Variants in PNPLA7 observed in about 807,000 individuals in gnomAD.
PNPLA7 encodes patatin like domain 7, lysophospholipase, also known as patatin-like phospholipase domain-containing protein 7.
In PNPLA7, 153 loss-of-function variants were observed where a neutral mutation model predicts 161.7. The ratio of observed to expected loss-of-function variants is 0.95; its 90% CI spans 0.83 to 1.08. The LOEUF (loss-of-function observed/expected upper bound fraction) is 1.08. Ranked by LOEUF, PNPLA7 falls within the 50% of genes least tolerant of loss-of-function variation. PNPLA7 has a pLI of 0.00. For missense variants in PNPLA7, 1,739 were observed against 1,856.6 expected (o/e 0.94, Z 1.16); for synonymous variants, 809 against 782.1 (o/e 1.03, Z -0.57).
At chr9:137,492,107 G>C in intron 20 of PNPLA7, 1 of 985,346 alleles carries the variant, frequency 1.0e-6, no homozygotes, top group Non-Finnish European at 1.2e-6. Context: ...TGAGTATGTG[G>C]GACCTGGTGA....
chr9:137,472,650 C>A (rs1044123453), intron 25 of PNPLA7, among the ~76,000 whole-genome samples: 528 of 82,112 alleles, frequency 6.4e-3, no homozygotes, highest in African/African-American at 7.2e-3. Context: ...GACTCCATCT[C>A]AAAAAAAAAA....
chr9:137,498,089 G>C, intron 17 of PNPLA7, 25 bp downstream of exon 17: 1 of 1,606,796 alleles, frequency 6.2e-7, no homozygotes, highest in Non-Finnish European at 8.5e-7. Flanking sequence ...CATGGATGCG[G>C]AGTGTGTGGC....
chr9:137,542,979 A>G (rs1252525007), intron 6 of PNPLA7, among the ~76,000 whole-genome samples, 178 bp from the exon 7 acceptor site: 3 of 152,182 alleles, frequency 2.0e-5, no homozygotes, highest in Non-Finnish European at 4.4e-5. Context: ...CAACTTCTGA[A>G]ATTCCCGTGA....
At chr9:137,493,269 C>A (rs1832869932) in intron 19 of PNPLA7, among the ~76,000 whole-genome samples, 187 bp from the exon 20 acceptor site, 1 of 152,246 alleles carries the variant, frequency 6.6e-6, no homozygotes, top group African/African-American at 2.4e-5. Flanking sequence ...TTAGGCCTTG[C>A]AGCCTTCTTG....
chr9:137,519,995 T>G lies in PNPLA7; in HGVS notation c.1006A>C (p.Lys336Gln), dbSNP rs776294628. Residue 336 changes from lysine (K) to glutamine (Q), a missense_variant, in exon 11 of 35, where the codon AAG (lysine) becomes CAG (glutamine). Physicochemically the swap from Lys to Gln is moderately conservative, Grantham distance 53. Coordinates refer to ENST00000406427, the MANE Select transcript of PNPLA7 (RefSeq NM_001098537.3). ...LVSVASVAAG[K>Q]AKKQVFYGEE... is the part of the protein sequence containing the mutation. ...CCATAGAACACCTGCTTCTTGGCCTTCCCGGCAGCCACACTGGCTACAGAC... is the reference window on the plus strand; with the variant it reads ...CCATAGAACACCTGCTTCTTGGCCTGCCCGGCAGCCACACTGGCTACAGAC... The G allele has an allele frequency of 1.4e-5, 23 of 1,612,706 alleles. No individual in the cohort carries two copies. Among genetic ancestry groups the G allele is most frequent in the Non-Finnish European group, 1.8e-5 (21 of 1,179,930 alleles).
Position 137,543,649 on chromosome 9 carries a change from G to A in PNPLA7, c.365+75C>T. The stretch of plus-strand genomic sequence containing the variant: ...CACAGCATCAGTGGCTGACACACCA[G>A]GCAGCTCAGGGTTGGGGAGGCCAGC... On this transcript the variant is annotated intron_variant, in intron 5 of 34. Coordinates refer to ENST00000406427, the MANE Select transcript of PNPLA7 (RefSeq NM_001098537.3). The surrounding 1 kb of genome is among the most constrained non-coding windows in gnomAD (Gnocchi z 6.9). The A allele has an allele frequency of 1.9e-6, 3 of 1,610,026 alleles. No individual in the cohort carries two copies. The highest frequency in any genetic ancestry group is 2.2e-5 in the East Asian group (1 of 44,840).
chr9:137,463,104 T>G (rs1026844956), intron 29 of PNPLA7: 1 of 595,338 alleles, frequency 1.7e-6, no homozygotes, highest in Non-Finnish European at 3.0e-6. Context: ...GGCTGTTAGT[T>G]TCTGACTGTG....
At position 137,520,913 on chromosome 9, in the gene PNPLA7, G is replaced by A. The variant is rs554522210; in HGVS notation, c.957+723C>T. Among the ~76,000 whole-genome samples, 2 of 152,350 alleles carry A rather than the reference G, an allele frequency of 1.3e-5. No homozygotes were observed. The highest frequency in any genetic ancestry group is 4.8e-5 in the African/African-American group (2 of 41,584). ...GGAGTGCTGGCAACAGGGACCCCAT[G>A]GGACGGGCATGGGGAGGGGCAGCCT... On this transcript the variant is annotated intron_variant, in intron 10 of 34. Coordinates refer to ENST00000406427, the MANE Select transcript of PNPLA7 (RefSeq NM_001098537.3). This position sits in a 1 kb window ranked among gnomAD's most constrained non-coding sequence, Gnocchi z 5.2.
At chr9:137,479,637 C>T (rs1037470828) in intron 23 of PNPLA7, 23 of 985,296 alleles carry the variant, frequency 2.3e-5, no homozygotes, top group Non-Finnish European at 2.5e-5. Context: ...CCCAGGCAGG[C>T]TTGTGATGAG....
At chr9:137,464,584 C>A in intron 26 of PNPLA7, 128 bp from the exon 27 acceptor site, 1 of 875,810 alleles carries the variant, frequency 1.1e-6, no homozygotes, top group South Asian at 1.5e-5. Flanking sequence ...GCCCCACCCA[C>A]GGTCCTGAGG....
chr9:137,478,847 C>T (rs1832065902), intron 24 of PNPLA7: 4 of 680,466 alleles, frequency 5.9e-6, no homozygotes, highest in Admixed American at 3.4e-5. Flanking sequence ...GTGCCTGCCC[C>T]CACTGCACCG....
intron 18 of PNPLA7, 115 bp from the exon 19 acceptor site, chr9:137,495,261 C>A (rs571499913): frequency 2.9e-6 from 2 of 682,738 alleles, no homozygotes; most frequent in South Asian, 1.9e-5. Context: ...CCATCCACAC[C>A]GCAAGGCGGA....
In PNPLA7 at chr9:137,462,040, TC is replaced by T; in HGVS notation, c.3646del (p.Glu1216LysfsTer132). ...CGTGCGCCCGTGCTGGTAGCCCACTTCCTGTGCACACCCCCAGGGCCCCGTC... is the reference window on the plus strand; with the variant it reads ...CGTGCGCCCGTGCTGGTAGCCCACTTCTGTGCACACCCCCAGGGCCCCGTC... ...LDFGKFNEIC[E>X]VGYQHGRTVF... On this transcript the variant is annotated frameshift_variant and splice_region_variant, in exon 32 of 35. Transcript: ENST00000406427. LOFTEE classifies it high-confidence loss of function. 1 of 1,590,598 alleles carries T rather than the reference TC, an allele frequency of 6.3e-7. No homozygotes were observed. Among genetic ancestry groups the T allele is most frequent in the Non-Finnish European group, 8.6e-7 (1 of 1,169,374 alleles).
rs1835171855 is a variant in PNPLA7 at position 137,523,942 on chromosome 9, G to A, written c.748-1085C>T. Among the ~76,000 whole-genome samples, 1 of 152,022 alleles carries A rather than the reference G, an allele frequency of 6.6e-6. No homozygotes were observed. The highest frequency in any genetic ancestry group is 1.5e-5 in the Non-Finnish European group (1 of 68,010). ...ACCACGCCTGGCTCAGATTATTCTG[G>A]AAATTAGTTGGCTCTAGAGAGAAAA... On this transcript the variant is annotated intron_variant, in intron 8 of 34. Coordinates refer to ENST00000406427, the MANE Select transcript of PNPLA7 (RefSeq NM_001098537.3). The surrounding 1 kb of genome is among the most constrained non-coding windows in gnomAD (Gnocchi z 4.4).
At chr9:137,485,725 G>A (rs545461908) in intron 20 of PNPLA7, among the ~76,000 whole-genome samples, 1 of 152,374 alleles carries the variant, frequency 6.6e-6, no homozygotes, top group Admixed American at 6.5e-5. Flanking sequence ...GAGTGAGGGT[G>A]TCAAGGCAGA....
chr9:137,506,599 G>A (rs964977806), intron 12 of PNPLA7, among the ~76,000 whole-genome samples: 2 of 152,088 alleles, frequency 1.3e-5, no homozygotes, highest in South Asian at 2.1e-4. Flanking sequence ...TTCGCTCTTC[G>A]CAGTCCAGCC....
chr9:137,514,054 G>A (rs1834373618), intron 12 of PNPLA7, among the ~76,000 whole-genome samples: 1 of 152,078 alleles, frequency 6.6e-6, no homozygotes, highest in South Asian at 2.1e-4. Flanking sequence ...TGGCTGGGCT[G>A]TGGGCGGGTC....
At chr9:137,504,927 G>A (rs546134592) in intron 14 of PNPLA7, among the ~76,000 whole-genome samples, 15 of 152,040 alleles carry the variant, frequency 9.9e-5, no homozygotes, top group African/African-American at 1.2e-4. Context: ...CGTGGCTCAC[G>A]CCTGTAATCC....
rs573719099 is a variant in PNPLA7 at position 137,462,233 on chromosome 9, G to A, written c.3591C>T (p.Arg1197=). 6 of 1,607,966 alleles carry A rather than the reference G, an allele frequency of 3.7e-6. No homozygotes were observed. In the Admixed American group the frequency reaches 5.0e-5, roughly 13 times the overall value. The change falls in exon 31 of 35, where the codon CGC becomes CGT. Residue 1197 remains arginine, a synonymous_variant. Transcript: ENST00000406427. ...GGGTGCTGTAGCTGTCGATGGGGGG[G>A]CGCAGGTACTCGCAGTAGTCACTGC... ...VKSSDYCEYL[R]PPIDSYSTLD...
Sources: allele counts gnomAD v4.1 joint callset (sites outside exome capture counted in the v4.1 genomes callset), GRCh38; gene constraint gnomAD v4.1.1; non-coding constraint Gnocchi (gnomAD v3.1); transcripts MANE v1.5; gene names NCBI Gene and HGNC (gene_info 2026-07-23, HGNC 2026-07-21).